FBN1: variants seen among roughly 807,000 people sequenced by gnomAD.
The protein encoded by FBN1 is fibrillin-1.
In FBN1, 29 loss-of-function variants were observed where a neutral mutation model predicts 365.1. That is an observed-to-expected ratio of 0.08 (90% CI 0.06 to 0.11). FBN1 has a LOEUF of 0.11. FBN1 is among the 10% of genes least tolerant of loss of function. The pLI, the probability that FBN1 is intolerant of heterozygous loss-of-function variation, is 1.00. For missense variants in FBN1, 2,476 were observed against 3,703.2 expected (o/e 0.67, Z 8.60); for synonymous variants, 1,210 against 1,270.5 (o/e 0.95, Z 1.01).
intron 2 of FBN1, among the ~76,000 whole-genome samples, chr15:48,639,692 A>G (rs537705266): frequency 6.6e-6 from 1 of 152,346 alleles, no homozygotes; most frequent in African/African-American, 2.4e-5. Context: ...ATGAAACGCT[A>G]AACTATCATG....
chr15:48,435,772 A>ATATG (rs1555395092), intron 53 of FBN1, among the ~76,000 whole-genome samples: 1 of 106,344 alleles, frequency 9.4e-6, no homozygotes, highest in Non-Finnish European at 1.8e-5. Flanking sequence ...ATATGTGTAT[A>ATATG]TGTGTGTGTG....
intron 2 of FBN1, among the ~76,000 whole-genome samples, chr15:48,614,261 T>C (rs1330958993): frequency 6.6e-6 from 1 of 152,202 alleles, no homozygotes; most frequent in African/African-American, 2.4e-5. Context: ...TTGCAATCAA[T>C]TTCACAAACT....
chr15:48,563,685 ACT>A (rs1271402078), intron 6 of FBN1, among the ~76,000 whole-genome samples: 3 of 151,930 alleles, frequency 2.0e-5, no homozygotes, highest in Non-Finnish European at 2.9e-5. Flanking sequence ...CGTGGGTATC[ACT>A]CTGTTATTTG....
At chr15:48,586,698 A>G (rs1252183590) in intron 6 of FBN1, among the ~76,000 whole-genome samples, 1 of 152,224 alleles carries the variant, frequency 6.6e-6, no homozygotes, top group Non-Finnish European at 1.5e-5. Context: ...TAGGAACCCA[A>G]AAGGTGAATG....
In FBN1 at chr15:48,604,212, T is replaced by A. The variant is rs960018027; in HGVS notation, c.347-3978A>T. The stretch of plus-strand genomic sequence containing the variant: ...ATGATTTTCTTTGGGATGCATTAGG[T>A]TTGGAATGATTCTAAAGACCTGCCA... On this transcript the variant is annotated intron_variant, in intron 4 of 65. Transcript: ENST00000316623. Among the ~76,000 whole-genome samples the A allele has an allele frequency of 7.4e-5, 11 of 149,298 alleles. 1 individual carries two copies. The highest frequency in any genetic ancestry group is 3.9e-4 in the Admixed American group (6 of 15,190).
At chr15:48,484,187 A>G (rs2043487635) in intron 30 of FBN1, among the ~76,000 whole-genome samples, 1 of 152,200 alleles carries the variant, frequency 6.6e-6, no homozygotes, top group East Asian at 1.9e-4. Context: ...TTAAAAGTCT[A>G]TTATTTATTT....
At chr15:48,557,803 T>C (rs1249419996) in intron 6 of FBN1, among the ~76,000 whole-genome samples, 1 of 152,186 alleles carries the variant, frequency 6.6e-6, no homozygotes, top group Non-Finnish European at 1.5e-5. Flanking sequence ...ACACTGGCTA[T>C]CAGTTGATAT....
At chr15:48,464,137 G>T in intron 40 of FBN1, 116 bp from the exon 41 acceptor site, 1 of 993,172 alleles carries the variant, frequency 1.0e-6, no homozygotes, top group Non-Finnish European at 1.6e-6. Flanking sequence ...TTTCAAATAA[G>T]ATAACGAAAA....
chr15:48,422,283 A>G (rs1006177582), intron 60 of FBN1, among the ~76,000 whole-genome samples: 1 of 152,246 alleles, frequency 6.6e-6, no homozygotes, highest in Admixed American at 6.5e-5. Context: ...AAAAAAATAT[A>G]AAGAGATCTT....
Position 48,411,306 on chromosome 15 carries a change from T to C in FBN1, c.8300A>G (p.Asn2767Ser), listed in dbSNP as rs536503540. The C allele has an allele frequency of 3.9e-5, 63 of 1,614,154 alleles. No homozygotes were observed. The highest frequency in any genetic ancestry group is 2.7e-4 in the South Asian group (25 of 91,082). Residue 2767 changes from asparagine (N) to serine (S), a missense_variant, in exon 66 of 66, where the codon AAT (asparagine) becomes AGT (serine). Physicochemically the swap from Asn to Ser is conservative, Grantham distance 46. Transcript: ENST00000316623. Reference protein sequence around the residue: ...DVEKTAIFAFNISHVSNKVRI... With the variant: ...DVEKTAIFAFSISHVSNKVRI... ...AACCTTGTTACTGACGTGGGAAATA[T>C]TGAAAGCAAAGATGGCTGTCTTCTC... is the stretch of plus-strand genomic sequence containing the variant.
intron 6 of FBN1, among the ~76,000 whole-genome samples, chr15:48,576,106 A>T (rs2044345517): frequency 6.6e-6 from 1 of 152,124 alleles, no homozygotes; most frequent in Non-Finnish European, 1.5e-5. Context: ...AATGAACACA[A>T]CAAAACACCT....
chr15:48,485,426 T>C lies in FBN1; in HGVS notation c.3660A>G (p.Glu1220=). The change falls in exon 30 of 66, where the codon GAA becomes GAG. Residue 1220 remains glutamate (E), a synonymous_variant. Coordinates refer to ENST00000316623, the MANE Select transcript of FBN1 (RefSeq NM_000138.5). ...GTGCAAATCCCGGCTGACAGCTACA[T>C]TCATAGCTGCCTTCAGAGTTTGTGC... ...TFCTNSEGSY[E]CSCQPGFALM... The C allele has an allele frequency of 6.2e-7, 1 of 1,614,064 alleles. No individual in the cohort carries two copies. Among genetic ancestry groups the C allele is most frequent in the Non-Finnish European group, 8.5e-7 (1 of 1,179,890 alleles).
chr15:48,507,013 C>A (rs992977623), intron 15 of FBN1, among the ~76,000 whole-genome samples: 3 of 151,962 alleles, frequency 2.0e-5, no homozygotes, highest in African/African-American at 7.3e-5. Flanking sequence ...ATAGAACAAC[C>A]AATTTATTGA....
At position 48,474,357 on chromosome 15, in the gene FBN1, C is replaced by CATTG; in HGVS notation, c.4104_4107dup (p.Gly1370GlnfsTer30). The CATTG allele has an allele frequency of 6.2e-7, 1 of 1,614,104 alleles. No individual in the cohort carries two copies. ...GCATGCTGGCTGCACATATGGGTTC[C>CATTG]ATTGGAACATTCGTCCAGATCTTAT... is the stretch of plus-strand genomic sequence containing the variant. On this transcript the variant is annotated frameshift_variant, in exon 34 of 66. Coordinates refer to ENST00000316623, the MANE Select transcript of FBN1 (RefSeq NM_000138.5). LOFTEE classifies it high-confidence loss of function.
At chr15:48,412,295 A>C (rs2042869855) in intron 65 of FBN1, among the ~76,000 whole-genome samples, 1 of 152,176 alleles carries the variant, frequency 6.6e-6, no homozygotes, top group South Asian at 2.1e-4. Context: ...TTATCCTTTC[A>C]GCAGACTTTG....
At chr15:48,610,155 C>T (rs1260155441) in intron 4 of FBN1, among the ~76,000 whole-genome samples, 1 of 152,130 alleles carries the variant, frequency 6.6e-6, no homozygotes, top group Non-Finnish European at 1.5e-5. Context: ...AACAACAGAA[C>T]AAGCAAGAAA....
intron 56 of FBN1, among the ~76,000 whole-genome samples, chr15:48,429,403 A>G (rs1296448277): frequency 6.6e-6 from 1 of 152,218 alleles, no homozygotes; most frequent in African/African-American, 2.4e-5. Flanking sequence ...TTAAAAAAAC[A>G]TTAAAATATC....
intron 50 of FBN1, among the ~76,000 whole-genome samples, chr15:48,441,014 T>C (rs1179105909): frequency 6.6e-6 from 1 of 152,066 alleles, no homozygotes; most frequent in East Asian, 1.9e-4. Context: ...TTCCCCGGAA[T>C]TCATGAAACT....
intron 51 of FBN1, 59 bp from the exon 52 acceptor site, chr15:48,437,446 A>C: frequency 2.1e-6 from 3 of 1,451,770 alleles, no homozygotes; most frequent in Non-Finnish European, 2.9e-6. Context: ...AAGCTTCTCC[A>C]CAAGTATTTT....
Sources: allele counts gnomAD v4.1 joint callset (sites outside exome capture counted in the v4.1 genomes callset), GRCh38; gene constraint gnomAD v4.1.1; transcripts MANE v1.5; gene names NCBI Gene and HGNC (gene_info 2026-07-23, HGNC 2026-07-21).